Variants in FBN1 observed in about 807,000 individuals in gnomAD.
FBN1 encodes the protein fibrillin 1, also known as fibrillin-1.
In FBN1, 29 loss-of-function variants were observed where a neutral mutation model predicts 365.1. That is an observed-to-expected ratio of 0.08 (90% confidence interval 0.06 to 0.11). FBN1 has a LOEUF of 0.11. Ranked by LOEUF, FBN1 falls within the 10% of genes least tolerant of loss-of-function variation. FBN1 has a pLI of 1.00. For missense variants in FBN1, 2,476 were observed against 3,703.2 expected (o/e 0.67, Z 8.60); for synonymous variants, 1,210 against 1,270.5 (o/e 0.95, Z 1.01).
intron 44 of FBN1, 126 bp downstream of exon 44, chr15:48,456,510 GC>G (rs2043239125): frequency 1.9e-5 from 18 of 950,020 alleles, no homozygotes; most frequent in Middle Eastern, 2.1e-4. Flanking sequence ...TCCACACCAT[GC>G]CCTTTACTAT....
chr15:48,441,525 T>C (rs1461338508), intron 50 of FBN1, among the ~76,000 whole-genome samples, 196 bp downstream of exon 50: 4 of 152,176 alleles, frequency 2.6e-5, no homozygotes, highest in Admixed American at 2.0e-4. Flanking sequence ...TAAGCAACCA[T>C]AACTTGATGG....
intron 60 of FBN1, among the ~76,000 whole-genome samples, chr15:48,423,873 T>C (rs1184475037): frequency 1.4e-4 from 22 of 152,178 alleles, no homozygotes; most frequent in Admixed American, 1.4e-3. Context: ...CATGTAAAAA[T>C]TACAGTTGCT....
intron 65 of FBN1, 102 bp downstream of exon 65, chr15:48,412,467 G>T: frequency 8.3e-7 from 1 of 1,203,302 alleles, no homozygotes. Context: ...TTTCTCCCTG[G>T]GGAGCTTTTT....
chr15:48,483,771 C>T, intron 31 of FBN1, 47 bp downstream of exon 31: 1 of 1,610,026 alleles, frequency 6.2e-7, no homozygotes, highest in Non-Finnish European at 8.5e-7. Context: ...TTTAACAGTG[C>T]TTATGACTAA....
intron 15 of FBN1, among the ~76,000 whole-genome samples, 185 bp downstream of exon 15, chr15:48,508,397 T>C (rs566249421): frequency 7.2e-5 from 11 of 152,362 alleles, no homozygotes; most frequent in South Asian, 6.2e-4. Context: ...AACAATAGTC[T>C]TCTGGGCATA....
intron 2 of FBN1, among the ~76,000 whole-genome samples, chr15:48,627,105 G>A (rs1889899686): frequency 6.6e-6 from 1 of 152,142 alleles, no homozygotes; most frequent in African/African-American, 2.4e-5. Flanking sequence ...TTAGAGATTA[G>A]AAAGATGTTT....
rs563227663 is a variant in FBN1 at position 48,498,543 on chromosome 15, G to A, written c.2167+442C>T. Among the ~76,000 whole-genome samples the A allele has an allele frequency of 7.9e-5, 12 of 152,230 alleles. No homozygotes were observed. The South Asian group carries it at 2.5e-3, about 32-fold the overall frequency. ...TTTAACTCAGTTAATTGTTGTCACTGCTCTCTATTGCCATTTTATAATACT... is the reference window on the plus strand; with the variant it reads ...TTTAACTCAGTTAATTGTTGTCACTACTCTCTATTGCCATTTTATAATACT... On this transcript the variant is annotated intron_variant, in intron 18 of 65. Coordinates refer to ENST00000316623, the MANE Select transcript of FBN1 (RefSeq NM_000138.5).
chr15:48,498,664 A>G (rs2043628907), intron 18 of FBN1, among the ~76,000 whole-genome samples: 1 of 152,188 alleles, frequency 6.6e-6, no homozygotes. Flanking sequence ...AAGATCCACA[A>G]GAGAGTCAGG....
intron 54 of FBN1, among the ~76,000 whole-genome samples, chr15:48,434,093 T>A (rs2043044525): frequency 6.6e-6 from 1 of 152,178 alleles, no homozygotes; most frequent in East Asian, 1.9e-4. Context: ...TTTCCATACA[T>A]TCCACCAGGC....
intron 42 of FBN1, among the ~76,000 whole-genome samples, chr15:48,460,639 T>C (rs2043273489): frequency 6.6e-6 from 1 of 152,138 alleles, no homozygotes; most frequent in Non-Finnish European, 1.5e-5. Flanking sequence ...ACTCAGGGAC[T>C]GGTAAGAGTG....
At chr15:48,532,986 GAGTTAGATTATTC>G (rs2043986020) in intron 8 of FBN1, among the ~76,000 whole-genome samples, 2 of 152,126 alleles carry the variant, frequency 1.3e-5, no homozygotes, top group Admixed American at 6.5e-5. Flanking sequence ...AGTTCTATCA[GAGTTAGATTATTC>G]AGTTTCAGGG....
intron 6 of FBN1, among the ~76,000 whole-genome samples, chr15:48,572,523 TAAAAAAAAAAAC>T (rs2044314186): frequency 7.0e-6 from 1 of 143,424 alleles, no homozygotes. Context: ...ATTAGTTTGT[TAAAAAAAAAAAC>T]AAAGACCCCT....
intron 63 of FBN1, among the ~76,000 whole-genome samples, chr15:48,417,571 T>G (rs775902597): frequency 9.2e-5 from 14 of 151,936 alleles, no homozygotes; most frequent in Non-Finnish European, 4.4e-5. Flanking sequence ...TGAAAATCTT[T>G]TGTATCCAAA....
chr15:48,408,707 T>G lies in FBN1; in HGVS notation c.*2283A>C, dbSNP rs2042837600. 6.6e-6 allele frequency: 1 copy of G among 152,542 alleles called. No homozygotes were observed. Among genetic ancestry groups the G allele is most frequent in the African/African-American group, 2.4e-5 (1 of 41,422 alleles). 9.4% of individuals were successfully genotyped at this position (152,542 alleles called of 1,614,324 possible). On this transcript the variant is annotated 3_prime_UTR_variant, in exon 66 of 66. Coordinates refer to ENST00000316623, the MANE Select transcript of FBN1 (RefSeq NM_000138.5). ...ATTTACAATGGAACAATGAGGAAAATGTTTTGTTACAGTCAGAAACATGGA... is the reference window on the plus strand; with the variant it reads ...ATTTACAATGGAACAATGAGGAAAAGGTTTTGTTACAGTCAGAAACATGGA...
intron 6 of FBN1, among the ~76,000 whole-genome samples, chr15:48,538,639 G>A (rs1002353273): frequency 6.6e-6 from 1 of 151,594 alleles, no homozygotes; most frequent in Non-Finnish European, 1.5e-5. Flanking sequence ...AGATAAAGAC[G>A]TAGTGAGCAC....
Position 48,427,629 on chromosome 15 carries a change from T to C in FBN1, c.7142A>G (p.Gln2381Arg), listed in dbSNP as rs764629788. 6.2e-7 allele frequency: 1 copy of C among 1,614,180 alleles called. No homozygotes were observed. The highest frequency in any genetic ancestry group is 1.1e-5 in the South Asian group (1 of 91,082). Residue 2381 changes from glutamine to arginine, a missense_variant, in exon 58 of 66, where the codon CAG (glutamine) becomes CGG (arginine). This residue lies in a region of FBN1 where 1,780 missense variants were observed against 2,840.8 expected (regional missense o/e 0.63). Coordinates refer to ENST00000316623, the MANE Select transcript of FBN1 (RefSeq NM_000138.5). Reference sequence around the variant, plus strand: ...GAGTTTCTTGAAAGCCACAGTCCCCTGGAAAGGGCAGATCTCACAGTGGGG... The same window carrying C: ...GAGTTTCTTGAAAGCCACAGTCCCCCGGAAAGGGCAGATCTCACAGTGGGG... ...WGPHCEICPFQGTVAFKKLCP... is the reference protein window; with the variant it reads ...WGPHCEICPFRGTVAFKKLCP...
rs564182181 is a variant in FBN1 at position 48,513,681 on chromosome 15, A to G, written c.1469-13T>C. The stretch of plus-strand genomic sequence containing the variant: ...CATTCATCAACATCTGCAAAGCACA[A>G]TGTATTTTAGTGCAAAATTACATAG... On this transcript the variant is annotated splice_polypyrimidine_tract_variant and intron_variant, in intron 12 of 65. Transcript: ENST00000316623. The G allele has an allele frequency of 1.2e-6, 2 of 1,613,818 alleles. No individual in the cohort carries two copies. The highest frequency in any genetic ancestry group is 1.7e-6 in the Non-Finnish European group (2 of 1,179,836).
At chr15:48,468,578 GTAGGCAGACATCACCA>G in intron 36 of FBN1, 44 bp from the exon 37 acceptor site, 1 of 1,611,268 alleles carries the variant, frequency 6.2e-7, no homozygotes, top group Non-Finnish European at 8.5e-7. Context: ...CTGAGCCAGT[GTAGGCAGACATCACCA>G]TAAAAGAACA....
At chr15:48,413,510 C>T (rs768572649) in intron 64 of FBN1, among the ~76,000 whole-genome samples, 11 of 152,112 alleles carry the variant, frequency 7.2e-5, no homozygotes, top group African/African-American at 9.7e-5. Context: ...AGCCAAGTTA[C>T]GGAGGGAGGC....
Sources: gnomAD v4.1 joint callset for allele counts (sites outside exome capture counted in the v4.1 genomes callset) on GRCh38, gnomAD v4.1.1 for gene constraint, gnomAD v4.1.1 regional missense constraint, MANE v1.5 for transcripts, NCBI Gene and HGNC (gene_info 2026-07-23, HGNC 2026-07-21) for gene names.